The following NCKAP5 variants were observed in gnomAD, a reference collection of about 807,000 sequenced individuals.
NCKAP5 encodes the protein NCK associated protein 5, also known as nck-associated protein 5.
In NCKAP5, 92 loss-of-function variants were observed where a neutral mutation model predicts 167.0. That is an observed-to-expected ratio of 0.55 (90% CI 0.47 to 0.66). NCKAP5 has a LOEUF of 0.66. Among genes scored for constraint, NCKAP5 ranks in the 30% least tolerant of loss-of-function variants. The pLI, the probability that NCKAP5 is intolerant of heterozygous loss-of-function variation, is 0.00. For missense variants in NCKAP5, 2,378 were observed against 2,315.0 expected, an observed-to-expected ratio of 1.03 and a Z score of -0.56; for synonymous variants, 891 against 877.4, an observed-to-expected ratio of 1.02 and a Z score of -0.27.
At chr2:132,742,174 G>A (rs897114776) in intron 16 of NCKAP5, among the ~76,000 whole-genome samples, 9 of 151,978 alleles carry the variant, frequency 5.9e-5, no homozygotes, top group Non-Finnish European at 8.8e-5. Flanking sequence ...GAATCTGATA[G>A]ACACAGGTGG....
chr2:133,456,725 A>G (rs981993020), intron 3 of NCKAP5, among the ~76,000 whole-genome samples: 10 of 152,166 alleles, frequency 6.6e-5, no homozygotes, highest in African/African-American at 2.4e-4. Flanking sequence ...TTCCATTAGT[A>G]ACAATTAGTT....
chr2:132,719,894 AGAG>A (rs1689747420), intron 19 of NCKAP5, among the ~76,000 whole-genome samples: 1 of 152,242 alleles, frequency 6.6e-6, no homozygotes, highest in Non-Finnish European at 1.5e-5. Flanking sequence ...AGAGGAAAAA[AGAG>A]AGGTTTCCAT....
the NCKAP5 span, among the ~76,000 whole-genome samples, chr2:133,613,808 A>G: frequency 1.1e-4 from 16 of 152,342 alleles, no homozygotes; most frequent in South Asian, 8.3e-4. Flanking sequence ...AATGTTGGAC[A>G]GCGTGTGATT....
chr2:133,591,290 T>C, the NCKAP5 span, among the ~76,000 whole-genome samples: 2 of 152,214 alleles, frequency 1.3e-5, no homozygotes, highest in Non-Finnish European at 2.9e-5. Flanking sequence ...AGAACTTGGA[T>C]GGCCGGGTTT....
rs542710820 is a variant in NCKAP5, at chr2:133,077,366, T to C, written c.341+52612A>G. ...CCAGAAAAAGAAAAGCAGAAAGACA[T>C]GTGTTTTTAAGCTGAGCCTTACTTC... On this transcript the variant is annotated intron_variant, in intron 6 of 19. Transcript: ENST00000409261. Among the ~76,000 whole-genome samples the C allele has an allele frequency of 5.8e-4, 89 of 152,224 alleles. No homozygotes were observed. The Middle Eastern group carries it at 0.014, about 23-fold the overall frequency.
intron 16 of NCKAP5, among the ~76,000 whole-genome samples, chr2:132,764,930 G>A (rs1019195040): frequency 6.6e-6 from 1 of 152,148 alleles, no homozygotes; most frequent in African/African-American, 2.4e-5. Flanking sequence ...TCTTCTTGGT[G>A]AGGAAATTGG....
At position 133,274,959 on chromosome 2, in the gene NCKAP5, TA is replaced by T. The variant is rs535559952; in HGVS notation, c.143+28077del. Among the ~76,000 whole-genome samples the T allele has an allele frequency of 2.5e-3, 360 of 143,734 alleles. 7 individuals carry two copies. The South Asian group carries it at 0.029, about 12-fold the overall frequency. 94.3% of individuals were successfully genotyped at this position (143,734 alleles called of 152,430 possible). The stretch of plus-strand genomic sequence containing the variant: ...ACTGTATTAAAATTTTAAAACTTTG[TA>T]AAAAAAAAACCATAAACAAAATGAA... On this transcript the variant is annotated intron_variant, in intron 4 of 19. Transcript: ENST00000409261.
the NCKAP5 span, among the ~76,000 whole-genome samples, chr2:133,599,005 G>A: frequency 7.2e-5 from 11 of 152,116 alleles, no homozygotes; most frequent in African/African-American, 2.7e-4. Context: ...CATTCTCCCC[G>A]TGTGTCAGTG....
In NCKAP5 at chr2:133,378,214, TG is replaced by T. The variant is rs1686286541; in HGVS notation, c.70-75105del. On this transcript the variant is annotated intron_variant, in intron 3 of 19. Coordinates refer to ENST00000409261, the MANE Select transcript of NCKAP5 (RefSeq NM_207363.3). ...TGATAGTACAGATCTTACTAGGATA[TG>T]GACACATCATTAAGATTATATCCAA... Among the ~76,000 whole-genome samples the T allele has an allele frequency of 2.6e-5, 4 of 152,246 alleles. No individual in the cohort carries two copies. In the South Asian group the frequency reaches 8.3e-4, roughly 32 times the overall value.
chr2:133,400,169 T>C (rs952574058), intron 3 of NCKAP5, among the ~76,000 whole-genome samples: 1 of 152,150 alleles, frequency 6.6e-6, no homozygotes, highest in Non-Finnish European at 1.5e-5. Context: ...ATAGTTTCAG[T>C]TAATGAGGAT....
chr2:132,970,207 A>G (rs115159801), intron 7 of NCKAP5, among the ~76,000 whole-genome samples: 1,582 of 152,352 alleles, frequency 0.01, 29 homozygotes, highest in African/African-American at 0.036. Context: ...CTATCCAAAA[A>G]TAAATAACTT....
At chr2:132,786,367 C>T (rs1172196910) in intron 13 of NCKAP5, among the ~76,000 whole-genome samples, 2 of 152,166 alleles carry the variant, frequency 1.3e-5, no homozygotes, top group Non-Finnish European at 2.9e-5. Context: ...TTTGATAGTT[C>T]TGTGACTTCA....
chr2:133,557,147 C>T (rs577986522), intron 2 of NCKAP5, among the ~76,000 whole-genome samples: 18 of 152,194 alleles, frequency 1.2e-4, no homozygotes, highest in South Asian at 4.1e-4. Flanking sequence ...TGCTCCTGGC[C>T]GATAGCTTGT....
At chr2:133,664,872 C>T in the NCKAP5 span, among the ~76,000 whole-genome samples, 1 of 152,236 alleles carries the variant, frequency 6.6e-6, no homozygotes, top group African/African-American at 2.4e-5. Context: ...GCAACTTCTA[C>T]ATCAGTACTT....
intron 11 of NCKAP5, among the ~76,000 whole-genome samples, chr2:132,836,365 C>A (rs1687884016): frequency 6.6e-6 from 1 of 152,010 alleles, no homozygotes. Context: ...CTAAATGGCG[C>A]ACTCCATGAC....
In NCKAP5 at chr2:133,401,718, A is replaced by T. The variant is rs185869557; in HGVS notation, c.70-98608T>A. Among the ~76,000 whole-genome samples, 42 of 152,266 alleles carry T rather than the reference A, an allele frequency of 2.8e-4. No homozygotes were observed. The East Asian group carries it at 6.6e-3, about 24-fold the overall frequency. ...CCTTAACTTAATTTCTACCATAATT[A>T]AAAAAAGGATATTGGGTTATCTCAC... On this transcript the variant is annotated intron_variant, in intron 3 of 19. Transcript: ENST00000409261.
chr2:133,619,225 C>G, the NCKAP5 span, among the ~76,000 whole-genome samples: 88 of 148,170 alleles, frequency 5.9e-4, 1 homozygote, highest in Admixed American at 2.3e-3. Flanking sequence ...TTAGTGGGTG[C>G]AGCGCACCAG....
intron 5 of NCKAP5, among the ~76,000 whole-genome samples, chr2:133,141,479 C>A (rs1236395537): frequency 1.3e-5 from 2 of 150,850 alleles, no homozygotes; most frequent in African/African-American, 4.9e-5. Context: ...TCCTTATATT[C>A]CTTCCTTCAG....
intron 4 of NCKAP5, among the ~76,000 whole-genome samples, chr2:133,249,404 T>C (rs1433319644): frequency 6.6e-6 from 1 of 152,188 alleles, no homozygotes; most frequent in Non-Finnish European, 1.5e-5. Context: ...AAATTCTCCC[T>C]GAGAACCTCC....
Sources: gnomAD v4.1 joint callset for allele counts (sites outside exome capture counted in the v4.1 genomes callset) on GRCh38, gnomAD v4.1.1 for gene constraint, MANE v1.5 for transcripts, NCBI Gene and HGNC (gene_info 2026-07-23, HGNC 2026-07-21) for gene names.